The following RTN3 variants were observed in gnomAD, a reference collection of about 807,000 sequenced individuals.
RTN3 encodes reticulon 3.
RTN3 carries 49 observed loss-of-function variants against 77.8 expected under a neutral mutation model. The observed-to-expected ratio is 0.63, with a 90% CI of 0.50 to 0.80. RTN3 has a LOEUF of 0.80. RTN3 is among the 30% of genes least tolerant of loss of function. The pLI, the probability that RTN3 is intolerant of heterozygous loss-of-function variation, is 0.00. For missense variants in RTN3, 1,236 were observed against 1,211.9 expected (o/e 1.02, Z -0.29); for synonymous variants, 464 against 446.9 (o/e 1.04, Z -0.48).
At chr11:63,694,303 A>G (rs1941820508) in intron 1 of RTN3, among the ~76,000 whole-genome samples, 1 of 151,946 alleles carries the variant, frequency 6.6e-6, no homozygotes, top group African/African-American at 2.4e-5. Context: ...CAGCCTCCCA[A>G]GTAGCTGGGA....
chr11:63,738,647 A>AG lies in RTN3; in HGVS notation c.2531-11344_2531-11343insG, dbSNP rs1453531568. 2.4e-3 allele frequency among the ~76,000 whole-genome samples: 361 copies of AG among 151,526 alleles called. 4 individuals carry two copies. The highest frequency in any genetic ancestry group is 3.8e-3 in the Non-Finnish European group (257 of 67,784). Reference sequence around the variant, plus strand: ...ACCCTGTCTTTAAAAAAAAAAAAAAAAAGAAGGTAAAGCTGACAGACTACT... The same window carrying AG: ...ACCCTGTCTTTAAAAAAAAAAAAAAAGAAGAAGGTAAAGCTGACAGACTACT... On this transcript the variant is annotated intron_variant, in intron 3 of 8. Transcript: ENST00000377819.
At chr11:63,704,816 G>C (rs771860186) in intron 1 of RTN3, 35 bp from the exon 2 acceptor site, 4 of 1,477,030 alleles carry the variant, frequency 2.7e-6, no homozygotes, top group Non-Finnish European at 3.8e-6. Flanking sequence ...CCTGTGTGAG[G>C]TTGTCATATT....
At chr11:63,740,124 C>T (rs577531161) in intron 3 of RTN3, among the ~76,000 whole-genome samples, 38 of 152,246 alleles carry the variant, frequency 2.5e-4, no homozygotes, top group African/African-American at 8.9e-4. Context: ...ATCATACTGC[C>T]TCTATCTCCT....
chr11:63,720,318 A>G lies in RTN3; in HGVS notation c.1816A>G (p.Thr606Ala), dbSNP rs1351307638. ...SEVAPEKPIT[T>A]ENPKLPSTVS... The stretch of plus-strand genomic sequence containing the variant: ...AGTTGCTCCTGAAAAGCCTATTACT[A>G]CTGAGAACCCCAAACTTCCTTCAAC... Residue 606 changes from threonine (T) to alanine (A), a missense_variant, in exon 3 of 9, where the codon ACT becomes GCT. By Grantham distance (58) the Thr-to-Ala change is moderately conservative. This residue lies in a region of RTN3 where 1,056 missense variants were observed against 990.4 expected (regional missense o/e 1.07). Coordinates refer to ENST00000377819, the MANE Select transcript of RTN3 (RefSeq NM_001265589.2). The G allele has an allele frequency of 1.9e-6, 3 of 1,613,922 alleles. No homozygotes were observed. The highest frequency in any genetic ancestry group is 2.5e-6 in the Non-Finnish European group (3 of 1,179,916).
At chr11:63,748,477 T>C (rs1426401758) in intron 3 of RTN3, among the ~76,000 whole-genome samples, 2 of 149,402 alleles carry the variant, frequency 1.3e-5, no homozygotes, top group East Asian at 4.0e-4. Flanking sequence ...GCCTCCCGAG[T>C]AGCTGAGATT....
Position 63,758,232 on chromosome 11 carries a change from T to C in RTN3, c.*31T>C. ...TGGAAACCAGAAATGCAACAGTTAC[T>C]AAAACACCATTTAATAGTTATAACG... On this transcript the variant is annotated 3_prime_UTR_variant, in exon 9 of 9. Transcript: ENST00000377819. 2 of 1,613,762 alleles carry C rather than the reference T, an allele frequency of 1.2e-6. No individual in the cohort carries two copies. The highest frequency in any genetic ancestry group is 8.5e-7 in the Non-Finnish European group (1 of 1,179,870).
intron 1 of RTN3, among the ~76,000 whole-genome samples, chr11:63,682,967 T>G (rs1565294042): frequency 6.6e-6 from 1 of 152,292 alleles, no homozygotes; most frequent in Non-Finnish European, 1.5e-5. Flanking sequence ...TTGCTCTCTA[T>G]TTAGTTATGT....
chr11:63,714,173 G>A, intron 2 of RTN3: 2 of 350,946 alleles, frequency 5.7e-6, no homozygotes, highest in South Asian at 2.1e-5. Context: ...AGTTTGTTAG[G>A]GTTTCAGCTA....
In RTN3 at chr11:63,682,421, A is replaced by G. The variant is rs1053753532; in HGVS notation, c.142+643A>G. ...CGAGGTAGAAGGAGGCGTGATGAGA[A>G]TAGCTCAGGGAAGATTTGGGAGGGA... On this transcript the variant is annotated intron_variant, in intron 1 of 8. Transcript: ENST00000377819. 1.6e-3 allele frequency among the ~76,000 whole-genome samples: 245 copies of G among 152,232 alleles called. 2 individuals carry two copies. The highest frequency in any genetic ancestry group is 2.1e-4 in the Non-Finnish European group (14 of 68,030).
At chr11:63,743,144 G>A (rs534460444) in intron 3 of RTN3, among the ~76,000 whole-genome samples, 25 of 152,152 alleles carry the variant, frequency 1.6e-4, no homozygotes, top group African/African-American at 2.9e-4. Context: ...CTGGTGATCC[G>A]CCTGCCTTGG....
chr11:63,706,013 T>C (rs972754817), intron 2 of RTN3, among the ~76,000 whole-genome samples: 1 of 152,254 alleles, frequency 6.6e-6, no homozygotes, highest in African/African-American at 2.4e-5. Context: ...GACAGATTGA[T>C]AGATTTAAGA....
chr11:63,681,490 T>G (rs1339830269), upstream of RTN3: 1 of 821,592 alleles, frequency 1.2e-6, no homozygotes, highest in East Asian at 3.3e-5. Flanking sequence ...TGCGCTCGGC[T>G]GAGTCAGTCA....
chr11:63,708,625 A>G (rs1942607243), intron 2 of RTN3, among the ~76,000 whole-genome samples: 1 of 152,240 alleles, frequency 6.6e-6, no homozygotes, highest in Non-Finnish European at 1.5e-5. Context: ...ATATTTACTA[A>G]GTTGTACTGC....
chr11:63,720,790 A>G lies in RTN3; in HGVS notation c.2288A>G (p.Gln763Arg), dbSNP rs765966769. The G allele has an allele frequency of 1.9e-6, 3 of 1,613,984 alleles. No homozygotes were observed. The highest frequency in any genetic ancestry group is 2.7e-5 in the African/African-American group (2 of 74,950). ...ERQVEKSTSA[Q>R]RDAELPSEEV... ...CAGGTTGAGAAGTCAACTTCTGCAC[A>G]GCGTGACGCAGAATTGCCTTCTGAA... The change falls in exon 3 of 9, where the codon CAG (glutamine) becomes CGG (arginine). Residue 763 changes from glutamine (Q) to arginine (R), a missense_variant. By Grantham distance (43) the Gln-to-Arg change is conservative. Coordinates refer to ENST00000377819, the MANE Select transcript of RTN3 (RefSeq NM_001265589.2).
chr11:63,720,380 A>T lies in RTN3; in HGVS notation c.1878A>T (p.Ser626=). The T allele has an allele frequency of 6.2e-7, 1 of 1,614,058 alleles. No homozygotes were observed. ...SPNVFNETEF[S]LNVTTSAYLE... ...ATGTTTTTAATGAGACAGAATTCTC[A>T]TTAAATGTGACAACATCTGCCTATT... The change falls in exon 3 of 9, where the codon TCA becomes TCT. Residue 626 remains serine, a synonymous_variant. Coordinates refer to ENST00000377819, the MANE Select transcript of RTN3 (RefSeq NM_001265589.2).
At position 63,719,633 on chromosome 11, in the gene RTN3, A is replaced by G; in HGVS notation, c.1131A>G (p.Val377=). Residue 377 remains valine (V), a synonymous_variant, in exon 3 of 9, where the codon GTA becomes GTG. Transcript: ENST00000377819. ...AATATAATTCAGAAATTCCAGTTGT[A>G]AATCTTAAAACTAGCACTCATCAGA... ...MSEYNSEIPV[V]NLKTSTHQKT... The G allele has an allele frequency of 6.2e-7, 1 of 1,613,772 alleles. No individual in the cohort carries two copies.
chr11:63,696,213 A>G (rs1430754079), intron 1 of RTN3, among the ~76,000 whole-genome samples: 2 of 150,952 alleles, frequency 1.3e-5, no homozygotes, highest in African/African-American at 4.9e-5. Context: ...CAGGAGCAAC[A>G]TGGTGAAACC....
intron 3 of RTN3, among the ~76,000 whole-genome samples, chr11:63,747,346 A>C (rs2013858282): frequency 6.6e-6 from 1 of 152,132 alleles, no homozygotes. Context: ...TCTCCTACTT[A>C]CAGGAATTCA....
At position 63,719,329 on chromosome 11, in the gene RTN3, C is replaced by G. The variant is rs1590832318; in HGVS notation, c.827C>G (p.Ser276Cys). The G allele has an allele frequency of 5.6e-6, 9 of 1,614,000 alleles. No homozygotes were observed. Among genetic ancestry groups the G allele is most frequent in the Non-Finnish European group, 7.6e-6 (9 of 1,180,032 alleles). The part of the protein sequence containing the change: ...KESTDDFGSW[S>C]VHTDKESSED... The stretch of plus-strand genomic sequence containing the variant: ...AGCACAGATGATTTTGGTAGCTGGT[C>G]TGTGCACACTGATAAAGAATCATCC... Residue 276 changes from serine to cysteine, a missense_variant, in exon 3 of 9, where the codon TCT (serine) becomes TGT (cysteine). Ser to Cys is a moderately radical substitution (Grantham distance 112). Coordinates refer to ENST00000377819, the MANE Select transcript of RTN3 (RefSeq NM_001265589.2).
Sources: gnomAD v4.1 joint callset for allele counts (sites outside exome capture counted in the v4.1 genomes callset) on GRCh38, gnomAD v4.1.1 for gene constraint, gnomAD v4.1.1 regional missense constraint, MANE v1.5 for transcripts, NCBI Gene and HGNC (gene_info 2026-07-23, HGNC 2026-07-21) for gene names.